Variants in NSMAF observed in about 807,000 individuals in gnomAD.
NSMAF encodes the protein protein FAN.
A neutral mutation model predicts 134.9 loss-of-function variants in NSMAF; 90 were observed. The ratio of observed to expected loss-of-function variants is 0.67; its 90% CI spans 0.56 to 0.79. The LOEUF (loss-of-function observed/expected upper bound fraction) is 0.79. NSMAF is among the 30% of genes least tolerant of loss of function. The probability of loss-of-function intolerance (pLI) is 0.00; values close to 1 mark genes in which losing one functional copy is unlikely to be tolerated. For synonymous variants in NSMAF, 358 were observed against 389.6 expected, an observed-to-expected ratio of 0.92 and a Z score of 0.96; for missense variants, 1,010 against 1,119.0, an observed-to-expected ratio of 0.90 and a Z score of 1.39.
chr8:58,658,588 GACA>G (rs1156498252), intron 1 of NSMAF, among the ~76,000 whole-genome samples: 2 of 152,202 alleles, frequency 1.3e-5, no homozygotes, highest in African/African-American at 4.8e-5. Context: ...TCACTGATGA[GACA>G]ACGTGACAGG....
intron 14 of NSMAF, 60 bp from the exon 15 acceptor site, chr8:58,601,595 C>T (rs1447378407): frequency 1.6e-5 from 24 of 1,529,746 alleles, no homozygotes; most frequent in Non-Finnish European, 2.0e-5. Flanking sequence ...TAATAACTGA[C>T]AAGTAGAAAA....
intron 28 of NSMAF, 61 bp downstream of exon 28, chr8:58,586,397 T>C (rs1032061262): frequency 5.6e-6 from 8 of 1,422,436 alleles, no homozygotes; most frequent in South Asian, 3.6e-5. Context: ...ATTAACAATA[T>C]TGTTTATTTC....
At chr8:58,612,640 A>AG (rs564282122) in intron 9 of NSMAF, among the ~76,000 whole-genome samples, 177 of 152,272 alleles carry the variant, frequency 1.2e-3, no homozygotes, top group Non-Finnish European at 2.0e-3. Flanking sequence ...ATCGGAGGTG[A>AG]GGGGGGCAGC....
chr8:58,627,787 G>T (rs1317307579), intron 6 of NSMAF, among the ~76,000 whole-genome samples: 1 of 152,052 alleles, frequency 6.6e-6, no homozygotes, highest in Non-Finnish European at 1.5e-5. Context: ...TGACCATACT[G>T]CCTAAAGCAA....
chr8:58,623,154 T>C lies in NSMAF; in HGVS notation c.557+66A>G, dbSNP rs1377151844. ...ATGATGACAGCAGGCTTGGATTTGC[T>C]GAATGAGGCATACAGATGAAAATGT... On this transcript the variant is annotated intron_variant, in intron 9 of 30. Transcript: ENST00000038176. 4 of 1,225,534 alleles carry C rather than the reference T, an allele frequency of 3.3e-6. No homozygotes were observed. The African/African-American group carries it at 4.5e-5, about 14-fold the overall frequency. 75.9% of individuals were successfully genotyped at this position (1,225,534 alleles called of 1,614,324 possible). A position where few individuals can be genotyped will look rare whatever the true frequency, so the allele number is the denominator to read the frequency against.
At chr8:58,619,085 A>C (rs574313146) in intron 9 of NSMAF, among the ~76,000 whole-genome samples, 32 of 152,302 alleles carry the variant, frequency 2.1e-4, no homozygotes, top group East Asian at 1.2e-3. Context: ...AATTCTTCTT[A>C]TTATTATTCC....
At chr8:58,640,018 T>C in intron 2 of NSMAF, 1 of 453,756 alleles carries the variant, frequency 2.2e-6, no homozygotes, top group East Asian at 7.0e-5. Flanking sequence ...CAAGAGTAAG[T>C]TAAACTTCAC....
At chr8:58,612,911 A>C (rs529944417) in intron 9 of NSMAF, among the ~76,000 whole-genome samples, 1 of 152,296 alleles carries the variant, frequency 6.6e-6, no homozygotes, top group Non-Finnish European at 1.5e-5. Context: ...TCTTCACCGG[A>C]AACAATGGAA....
At chr8:58,618,679 T>C (rs892853143) in intron 9 of NSMAF, among the ~76,000 whole-genome samples, 1 of 152,102 alleles carries the variant, frequency 6.6e-6, no homozygotes, top group African/African-American at 2.4e-5. Context: ...TGGCAAAATG[T>C]TAAATTAACA....
intron 9 of NSMAF, among the ~76,000 whole-genome samples, chr8:58,620,665 T>C (rs898738904): frequency 2.0e-5 from 3 of 152,192 alleles, no homozygotes; most frequent in Non-Finnish European, 4.4e-5. Flanking sequence ...GACAGGCATT[T>C]AAATTAACTG....
rs759087476 is a variant in NSMAF at position 58,642,971 on chromosome 8, G to A, written c.149+13C>T. 3.5e-5 allele frequency: 56 copies of A among 1,595,820 alleles called. No individual in the cohort carries two copies. The highest frequency in any genetic ancestry group is 2.7e-4 in the East Asian group (12 of 44,786). On this transcript the variant is annotated intron_variant, in intron 2 of 30. Coordinates refer to ENST00000038176, the MANE Select transcript of NSMAF (RefSeq NM_003580.4). ...AGGTTTGTTTGTCCAAGGAGATACC[G>A]AAGCTTCCTTACCTTTCATGGTGAC...
At chr8:58,638,050 T>C (rs1221165533) in intron 2 of NSMAF, among the ~76,000 whole-genome samples, 1 of 152,178 alleles carries the variant, frequency 6.6e-6, no homozygotes, top group Non-Finnish European at 1.5e-5. Context: ...CAAAACAATC[T>C]GTTTTGTTTC....
chr8:58,623,862 A>T, intron 6 of NSMAF, 82 bp from the exon 7 acceptor site: 1 of 1,074,850 alleles, frequency 9.3e-7, no homozygotes, highest in Non-Finnish European at 1.4e-6. Context: ...TGTGTACAGA[A>T]CCTGCTATGA....
intron 24 of NSMAF, among the ~76,000 whole-genome samples, chr8:58,590,322 C>T (rs983327233): frequency 5.3e-5 from 8 of 152,120 alleles, no homozygotes; most frequent in African/African-American, 1.9e-4. Flanking sequence ...GGGTCCTGCC[C>T]TGGGCTGGAA....
At chr8:58,650,213 C>T (rs540971014) in intron 1 of NSMAF, among the ~76,000 whole-genome samples, 1 of 152,248 alleles carries the variant, frequency 6.6e-6, no homozygotes, top group African/African-American at 2.4e-5. Context: ...ACACCTGGTA[C>T]CAGGCTAGGC....
chr8:58,585,905 G>A lies in NSMAF; in HGVS notation c.2542C>T (p.Pro848Ser), dbSNP rs1805874345. The A allele has an allele frequency of 1.2e-6, 2 of 1,612,636 alleles. No homozygotes were observed. Among genetic ancestry groups the A allele is most frequent in the Admixed American group, 1.7e-5 (1 of 60,002 alleles). ...MLISSMTSDE[P>S]QRCFVWDGNS... ...GTAACTCACAAACTATACCTCTGGG[G>A]CTCATCTGATGTCATGGAGGAGATG... The change falls in exon 29 of 31, where the codon CCC becomes TCC. Residue 848 changes from proline (P) to serine (S), a missense_variant. Coordinates refer to ENST00000038176, the MANE Select transcript of NSMAF (RefSeq NM_003580.4).
intron 2 of NSMAF, among the ~76,000 whole-genome samples, chr8:58,640,488 T>G (rs1012503682): frequency 6.6e-6 from 1 of 152,154 alleles, no homozygotes; most frequent in Non-Finnish European, 1.5e-5. Context: ...TACATATACA[T>G]GCATGTATAA....
chr8:58,603,016 T>C (rs1373166146), intron 13 of NSMAF, among the ~76,000 whole-genome samples, 194 bp downstream of exon 13: 1 of 152,204 alleles, frequency 6.6e-6, no homozygotes, highest in Non-Finnish European at 1.5e-5. Flanking sequence ...AAAACATACA[T>C]GAAACACTTA....
intron 9 of NSMAF, among the ~76,000 whole-genome samples, chr8:58,619,561 G>C (rs911503515): frequency 1.1e-4 from 16 of 152,150 alleles, no homozygotes; most frequent in African/African-American, 3.9e-4. Context: ...TAAATATACA[G>C]TTAATGGAAT....
Sources: allele counts gnomAD v4.1 joint callset (sites outside exome capture counted in the v4.1 genomes callset), GRCh38; gene constraint gnomAD v4.1.1; transcripts MANE v1.5; gene names NCBI Gene and HGNC (gene_info 2026-07-23, HGNC 2026-07-21).